Variants in PIKFYVE observed in about 807,000 individuals in gnomAD.
The protein encoded by PIKFYVE is 1-phosphatidylinositol 3-phosphate 5-kinase.
In PIKFYVE, 122 loss-of-function variants were observed where a neutral mutation model predicts 257.9. The ratio of observed to expected loss-of-function variants is 0.47; its 90% CI spans 0.41 to 0.55. The LOEUF (loss-of-function observed/expected upper bound fraction) is 0.55. Among genes scored for constraint, PIKFYVE ranks in the 20% least tolerant of loss-of-function variants. The pLI, the probability that PIKFYVE is intolerant of heterozygous loss-of-function variation, is 0.00. For missense variants in PIKFYVE, 2,160 were observed against 2,536.6 expected (o/e 0.85, Z 3.19); for synonymous variants, 892 against 868.9 (o/e 1.03, Z -0.47).
chr2:208,321,575 GT>G (rs869195257), intron 17 of PIKFYVE, among the ~76,000 whole-genome samples: 7 of 143,086 alleles, frequency 4.9e-5, no homozygotes, highest in African/African-American at 1.8e-4. Context: ...CTTTTCTTTT[GT>G]TTTTTTTTTT....
rs1215318104 is a variant in PIKFYVE, at chr2:208,285,806, G to T, written c.694G>T (p.Asp232Tyr). Reference sequence around the variant, plus strand: ...CACAGACAGTAATTCTATTGGGGAAGACTTGAATGCTCTTTCAGATTCTGC... The same window carrying T: ...CACAGACAGTAATTCTATTGGGGAATACTTGAATGCTCTTTCAGATTCTGC... ...HSTDSNSIGE[D>Y]LNALSDSACS... The change falls in exon 6 of 42, where the codon GAC (aspartate) becomes TAC (tyrosine). Residue 232 changes from aspartate to tyrosine, a missense_variant. By Grantham distance (160) the Asp-to-Tyr change is radical. Coordinates refer to ENST00000264380, the MANE Select transcript of PIKFYVE (RefSeq NM_015040.4). The T allele has an allele frequency of 6.2e-7, 1 of 1,613,988 alleles. No individual in the cohort carries two copies. Among genetic ancestry groups the T allele is most frequent in the Admixed American group, 1.7e-5 (1 of 60,008 alleles).
intron 7 of PIKFYVE, among the ~76,000 whole-genome samples, chr2:208,293,675 G>GTTT (rs35035028): frequency 2.2e-5 from 3 of 139,034 alleles, no homozygotes; most frequent in Non-Finnish European, 4.7e-5. Flanking sequence ...TACAGGTAAG[G>GTTT]TTTTTTTTTT....
At chr2:208,344,989 A>G in intron 32 of PIKFYVE, 122 bp from the exon 33 acceptor site, 2 of 718,360 alleles carry the variant, frequency 2.8e-6, no homozygotes. Flanking sequence ...AACCAAAATT[A>G]TTTAATTATG....
chr2:208,278,047 T>G (rs1690334496), intron 5 of PIKFYVE, among the ~76,000 whole-genome samples: 1 of 152,238 alleles, frequency 6.6e-6, no homozygotes, highest in South Asian at 2.1e-4. Flanking sequence ...TTCCTTGACG[T>G]AATTACATGA....
At chr2:208,319,141 A>G (rs533688002) in intron 16 of PIKFYVE, among the ~76,000 whole-genome samples, 2 of 152,306 alleles carry the variant, frequency 1.3e-5, no homozygotes, top group African/African-American at 4.8e-5. Context: ...TGTTACAGCA[A>G]GAGCTGAGGC....
Position 208,347,886 on chromosome 2 carries a change from T to C in PIKFYVE, c.5237T>C (p.Phe1746Ser). ...AAAAAGGCTTCTGGAATGTTGTCCT[T>C]CTTCAGAGGGACAGCAGGGAAAAGC... is the stretch of plus-strand genomic sequence containing the variant. ...PTKKASGMLSFFRGTAGKSPD... is the reference protein window; with the variant it reads ...PTKKASGMLSSFRGTAGKSPD... Residue 1746 changes from phenylalanine to serine, a missense_variant, in exon 35 of 42, where the codon TTC becomes TCC. By Grantham distance (155) the Phe-to-Ser change is radical (BLOSUM62 -2). Around this residue, in one of 12 missense-constraint regions of PIKFYVE, gnomAD observed 699 missense variants for 855.8 expected, o/e 0.82. Transcript: ENST00000264380. 6.2e-7 allele frequency: 1 copy of C among 1,613,770 alleles called. No homozygotes were observed. Among genetic ancestry groups the C allele is most frequent in the South Asian group, 1.1e-5 (1 of 91,066 alleles).
In PIKFYVE at chr2:208,330,442, C is replaced by G. The variant is rs1697406695; in HGVS notation, c.3792-81C>G. The G allele has an allele frequency of 2.0e-6, 3 of 1,524,486 alleles. No individual in the cohort carries two copies. In the Admixed American group the frequency reaches 5.0e-5, roughly 25 times the overall value. The allele number at this position is 1,524,486 out of a possible 1,614,324, so 94.4% of individuals were successfully genotyped here. A position where few individuals can be genotyped will look rare whatever the true frequency, so the allele number is the denominator to read the frequency against. ...GCATGAGTACCTTGTGCAGATTGTT[C>G]ACTAGTCATGCTGCACTTTGACAGT... On this transcript the variant is annotated intron_variant, in intron 22 of 41. Coordinates refer to ENST00000264380, the MANE Select transcript of PIKFYVE (RefSeq NM_015040.4).
chr2:208,322,942 G>A (rs1286627723), intron 17 of PIKFYVE, among the ~76,000 whole-genome samples: 2 of 147,928 alleles, frequency 1.4e-5, no homozygotes, highest in South Asian at 2.2e-4. Context: ...GAGAACATGC[G>A]GTGTTTGGTT....
intron 5 of PIKFYVE, among the ~76,000 whole-genome samples, chr2:208,283,631 A>G (rs1365444636): frequency 1.3e-5 from 2 of 151,758 alleles, no homozygotes; most frequent in African/African-American, 2.4e-5. Context: ...GCTGGAGTGC[A>G]GTGGCACGAC....
intron 32 of PIKFYVE, among the ~76,000 whole-genome samples, chr2:208,344,616 C>T (rs1424399099): frequency 6.6e-6 from 1 of 151,196 alleles, no homozygotes; most frequent in Non-Finnish European, 1.5e-5. Context: ...TAACATGCCT[C>T]TCTTGTTGCA....
rs750928693 is a variant in PIKFYVE, at chr2:208,314,358, GCAT to G, written c.1765_1767del (p.His589del). 1 of 1,613,948 alleles carries G rather than the reference GCAT, an allele frequency of 6.2e-7. No homozygotes were observed. The highest frequency in any genetic ancestry group is 8.5e-7 in the Non-Finnish European group (1 of 1,179,884). On this transcript the variant is annotated inframe_deletion, in exon 14 of 42. Transcript: ENST00000264380. ...AGCTGCCTTTCACACCTTTGGGCTGGCATCATAACAACCTGGAGCTCCTGAGGG... is the reference window on the plus strand; with the variant it reads ...AGCTGCCTTTCACACCTTTGGGCTGGCATAACAACCTGGAGCTCCTGAGGG...
intron 28 of PIKFYVE, among the ~76,000 whole-genome samples, chr2:208,338,129 T>C (rs918313763): frequency 3.9e-5 from 6 of 152,180 alleles, no homozygotes; most frequent in South Asian, 2.1e-4. Context: ...AAGCCAAATA[T>C]GAATCTAGCT....
chr2:208,301,570 ACTC>A, intron 9 of PIKFYVE, among the ~76,000 whole-genome samples: 1 of 152,224 alleles, frequency 6.6e-6, no homozygotes, highest in Non-Finnish European at 1.5e-5. Context: ...CAGATTAGCT[ACTC>A]CTCCTCTCAT....
At position 208,282,441 on chromosome 2, in the gene PIKFYVE, C is replaced by A. The variant is rs145596729; in HGVS notation, c.614-3285C>A. 2.0e-5 allele frequency among the ~76,000 whole-genome samples: 3 copies of A among 152,306 alleles called. No homozygotes were observed. The East Asian group carries it at 5.8e-4, about 29-fold the overall frequency. Reference sequence around the variant, plus strand: ...TATATAGAGAGAAATTTATGTTTAACAATTGGTCAAGTTATTTTGAGGACT... The same window carrying A: ...TATATAGAGAGAAATTTATGTTTAAAAATTGGTCAAGTTATTTTGAGGACT... On this transcript the variant is annotated intron_variant, in intron 5 of 41. Transcript: ENST00000264380.
chr2:208,300,511 A>G (rs1198641678), intron 8 of PIKFYVE, among the ~76,000 whole-genome samples: 3 of 152,140 alleles, frequency 2.0e-5, no homozygotes, highest in African/African-American at 7.2e-5. Context: ...GCAGGGAGTA[A>G]TTTACTGAAG....
rs1689744546 is a variant in PIKFYVE, at chr2:208,273,826, T to G, written c.322+93T>G. 2.7e-6 allele frequency: 4 copies of G among 1,507,612 alleles called. No homozygotes were observed. In the South Asian group the frequency reaches 4.5e-5, roughly 17 times the overall value. The allele number at this position is 1,507,612 out of a possible 1,614,324, so 93.4% of individuals were successfully genotyped here. On this transcript the variant is annotated intron_variant, in intron 3 of 41. Coordinates refer to ENST00000264380, the MANE Select transcript of PIKFYVE (RefSeq NM_015040.4). Reference sequence around the variant, plus strand: ...GGTTGTTTATAGCAGGACTTAACTTTCCTGCTATTTGGAATAGTAAGATAC... The same window carrying G: ...GGTTGTTTATAGCAGGACTTAACTTGCCTGCTATTTGGAATAGTAAGATAC...
At chr2:208,267,277 G>C (rs1051715284) in intron 1 of PIKFYVE, among the ~76,000 whole-genome samples, 1 of 152,026 alleles carries the variant, frequency 6.6e-6, no homozygotes, top group Non-Finnish European at 1.5e-5. Flanking sequence ...CACTCTGTCA[G>C]TTTTCTTACA....
intron 7 of PIKFYVE, among the ~76,000 whole-genome samples, chr2:208,293,946 G>A (rs1483128959): frequency 1.3e-5 from 2 of 152,142 alleles, no homozygotes; most frequent in Non-Finnish European, 2.9e-5. Context: ...TCCTGGACCT[G>A]TGGCTTGGCA....
At chr2:208,330,029 T>A in intron 22 of PIKFYVE, 116 bp downstream of exon 22, 2 of 1,377,818 alleles carry the variant, frequency 1.5e-6, no homozygotes, top group Non-Finnish European at 2.0e-6. Flanking sequence ...CTCACTTTCA[T>A]AGTGCATATC....
Sources: allele counts gnomAD v4.1 joint callset (sites outside exome capture counted in the v4.1 genomes callset), GRCh38; gene constraint gnomAD v4.1.1; regional missense constraint gnomAD v4.1.1; transcripts MANE v1.5; gene names NCBI Gene and HGNC (gene_info 2026-07-23, HGNC 2026-07-21).